Variants in RALGPS1 observed in about 807,000 individuals in gnomAD.
RALGPS1 encodes the protein ras-specific guanine nucleotide-releasing factor RalGPS1.
A neutral mutation model predicts 78.8 loss-of-function variants in RALGPS1; 19 were observed. That is an observed-to-expected ratio of 0.24 (90% CI 0.17 to 0.35). The LOEUF (loss-of-function observed/expected upper bound fraction) is 0.35, where lower values mean the gene tolerates loss of function less well. RALGPS1 is among the 10% of genes least tolerant of loss of function. The pLI is 1.00. For missense variants in RALGPS1, 454 were observed against 688.3 expected (o/e 0.66, Z 3.81); for synonymous variants, 228 against 256.3 (o/e 0.89, Z 1.06).
intron 1 of RALGPS1, among the ~76,000 whole-genome samples, chr9:126,928,598 T>G (rs2035515084): frequency 6.6e-6 from 1 of 152,194 alleles, no homozygotes; most frequent in South Asian, 2.1e-4. Context: ...GGATACTTTT[T>G]TTTTTTATTT....
intron 8 of RALGPS1, chr9:127,094,052 G>T: frequency 9.3e-7 from 1 of 1,073,438 alleles, no homozygotes; most frequent in Non-Finnish European, 1.3e-6. Flanking sequence ...CACGGTCTGA[G>T]GTAACCAATT....
intron 11 of RALGPS1, among the ~76,000 whole-genome samples, chr9:127,175,338 G>A (rs772259562): frequency 6.6e-6 from 1 of 152,232 alleles, no homozygotes; most frequent in Non-Finnish European, 1.5e-5. Flanking sequence ...CTCATCCACA[G>A]AATGAAGATA....
intron 11 of RALGPS1, among the ~76,000 whole-genome samples, chr9:127,188,507 A>C (rs1227366743): frequency 6.6e-6 from 1 of 152,050 alleles, no homozygotes; most frequent in African/African-American, 2.4e-5. Flanking sequence ...TTGAGATGCC[A>C]TCTGAAAGCA....
chr9:126,969,679 A>G (rs1240753142), intron 3 of RALGPS1, among the ~76,000 whole-genome samples: 1 of 152,174 alleles, frequency 6.6e-6, no homozygotes, highest in African/African-American at 2.4e-5. Context: ...ATCCCTTTCT[A>G]GCTGTTTACC....
At chr9:126,921,591 C>T (rs1306519739) in intron 1 of RALGPS1, among the ~76,000 whole-genome samples, 1 of 152,198 alleles carries the variant, frequency 6.6e-6, no homozygotes, top group Non-Finnish European at 1.5e-5. Context: ...GATTTATCTC[C>T]TGAGCATCAG....
intron 8 of RALGPS1, among the ~76,000 whole-genome samples, chr9:127,117,086 C>T (rs1368380889): frequency 6.6e-6 from 1 of 152,240 alleles, no homozygotes; most frequent in African/African-American, 2.4e-5. Flanking sequence ...GTTGTCATGC[C>T]TCCCTGCCTT....
Position 127,195,114 on chromosome 9 carries a change from G to T in RALGPS1, c.934G>T (p.Ala312Ser). The change falls in exon 12 of 19, where the codon GCG (alanine) becomes TCG (serine). Residue 312 changes from alanine (A) to serine (S), a missense_variant. Ala to Ser is a moderately conservative substitution (Grantham distance 99, BLOSUM62 1). Transcript: ENST00000259351. ...LAGPSAGSGS[A>S]RFSRRPTCPD... ...AGGTCCCTCTGCTGGCTCCGGTTCTGCGAGGTTCAGCCGGAGGCCCACCTG... is the reference window on the plus strand; with the variant it reads ...AGGTCCCTCTGCTGGCTCCGGTTCTTCGAGGTTCAGCCGGAGGCCCACCTG... The T allele has an allele frequency of 6.2e-7, 1 of 1,613,436 alleles. No individual in the cohort carries two copies. The highest frequency in any genetic ancestry group is 8.5e-7 in the Non-Finnish European group (1 of 1,179,956).
chr9:127,071,588 G>T (rs936084827), intron 8 of RALGPS1, among the ~76,000 whole-genome samples: 4 of 151,676 alleles, frequency 2.6e-5, no homozygotes, highest in Non-Finnish European at 5.9e-5. Flanking sequence ...GTTTATTTGT[G>T]TATATGTTTT....
chr9:127,124,369 G>A (rs938270506), intron 8 of RALGPS1, among the ~76,000 whole-genome samples: 14 of 151,902 alleles, frequency 9.2e-5, no homozygotes, highest in African/African-American at 2.7e-4. Flanking sequence ...AGCATCAGCC[G>A]CAGACACGTG....
chr9:127,212,913 G>A lies in RALGPS1; in HGVS notation c.1447-31G>A, dbSNP rs533311465. 46 of 1,613,808 alleles carry A rather than the reference G, an allele frequency of 2.9e-5. No individual in the cohort carries two copies. The highest frequency in any genetic ancestry group is 1.8e-4 in the East Asian group (8 of 44,866). On this transcript the variant is annotated intron_variant, in intron 16 of 18. Transcript: ENST00000259351. This position sits in a 1 kb window ranked among gnomAD's most constrained non-coding sequence, Gnocchi z 6.0. Reference sequence around the variant, plus strand: ...CTTGTGGAGTGGAGGGCTGGGCCCCGGTCTCCGGATGTGTTGTTGCTCTCC... The same window carrying A: ...CTTGTGGAGTGGAGGGCTGGGCCCCAGTCTCCGGATGTGTTGTTGCTCTCC...
chr9:127,089,634 TAAG>T (rs941820574), intron 8 of RALGPS1, among the ~76,000 whole-genome samples: 1 of 152,210 alleles, frequency 6.6e-6, no homozygotes, highest in Non-Finnish European at 1.5e-5. Context: ...AGAAAGTGTT[TAAG>T]AAGAAATGCT....
At chr9:127,084,368 G>T (rs184878195) in intron 8 of RALGPS1, among the ~76,000 whole-genome samples, 1 of 152,126 alleles carries the variant, frequency 6.6e-6, no homozygotes, top group African/African-American at 2.4e-5. Context: ...CTCAGAGCTC[G>T]TGCTCCCTCC....
chr9:127,217,796 A>G (rs2062658197), intron 18 of RALGPS1: 1 of 152,272 alleles, frequency 6.6e-6, no homozygotes, highest in Admixed American at 6.5e-5. Flanking sequence ...TCTTATAAAT[A>G]GAACCATAAA....
intron 11 of RALGPS1, among the ~76,000 whole-genome samples, chr9:127,185,505 C>A (rs181469564): frequency 3.3e-5 from 5 of 152,332 alleles, no homozygotes; most frequent in Admixed American, 1.3e-4. Flanking sequence ...GTTCTACATC[C>A]TAAAAGTGAG....
At chr9:127,050,301 C>A (rs2048185190) in intron 6 of RALGPS1, among the ~76,000 whole-genome samples, 169 bp downstream of exon 6, 3 of 152,272 alleles carry the variant, frequency 2.0e-5, no homozygotes, top group East Asian at 1.9e-4. Context: ...AGCTGTTAGA[C>A]CTGCCTGGGT....
rs1429132673 is a variant in RALGPS1, at chr9:127,221,697, G to A, written c.*2928G>A. On this transcript the variant is annotated 3_prime_UTR_variant, in exon 19 of 19. Coordinates refer to ENST00000259351, the MANE Select transcript of RALGPS1 (RefSeq NM_014636.3). ...TAGATACTTGAAGAGATTCTGTTTA[G>A]GAAGAAACTCACTCTCTTTTGCCAG... 1 of 152,206 alleles carries A rather than the reference G, an allele frequency of 6.6e-6. No individual in the cohort carries two copies. Among genetic ancestry groups the A allele is most frequent in the African/African-American group, 2.4e-5 (1 of 41,446 alleles). 9.4% of individuals were successfully genotyped at this position (152,206 alleles called of 1,614,324 possible). A position where few individuals can be genotyped will look rare whatever the true frequency, so the allele number is the denominator to read the frequency against.
In RALGPS1 at chr9:127,212,613, C is replaced by T; in HGVS notation, c.1354-14C>T. ...ACCCCTGGTGGCATCACTCAGCCTC[C>T]CCTTCCTCTGTAGCTGTCCTCGTGG... On this transcript the variant is annotated splice_polypyrimidine_tract_variant and intron_variant, in intron 15 of 18. Coordinates refer to ENST00000259351, the MANE Select transcript of RALGPS1 (RefSeq NM_014636.3). This position sits in a 1 kb window ranked among gnomAD's most constrained non-coding sequence, Gnocchi z 6.0. 1 of 1,589,328 alleles carries T rather than the reference C, an allele frequency of 6.3e-7. No homozygotes were observed. The highest frequency in any genetic ancestry group is 8.6e-7 in the Non-Finnish European group (1 of 1,161,338).
intron 4 of RALGPS1, among the ~76,000 whole-genome samples, chr9:126,981,148 A>G (rs1040711590): frequency 2.6e-5 from 4 of 152,210 alleles, no homozygotes; most frequent in Non-Finnish European, 5.9e-5. Context: ...CCTGAGGGAC[A>G]TGATTCTTGT....
rs1226463175 is a variant in RALGPS1 at position 126,941,173 on chromosome 9, G to GGC, written c.-65-21051_-65-21050insCG. On this transcript the variant is annotated intron_variant, in intron 1 of 18. Coordinates refer to ENST00000259351, the MANE Select transcript of RALGPS1 (RefSeq NM_014636.3). ...TATGACTTCGTCTAGTTGTGGGGGG[G>GGC]GGTTGTTGGGGAAGGAGGGATGATT... Among the ~76,000 whole-genome samples, 3 of 151,858 alleles carry GGC rather than the reference G, an allele frequency of 2.0e-5. No homozygotes were observed. The East Asian group carries it at 5.8e-4, about 29-fold the overall frequency.
Sources: gnomAD v4.1 joint callset for allele counts (sites outside exome capture counted in the v4.1 genomes callset) on GRCh38, gnomAD v4.1.1 for gene constraint, Gnocchi (gnomAD v3.1) non-coding constraint, MANE v1.5 for transcripts, NCBI Gene and HGNC (gene_info 2026-07-23, HGNC 2026-07-21) for gene names.